The following PLOD2 variants were observed in gnomAD, a reference collection of about 807,000 sequenced individuals.
PLOD2 encodes procollagen-lysine,2-oxoglutarate 5-dioxygenase 2, also known as lysine hydroxylase 2.
PLOD2 carries 65 observed loss-of-function variants against 101.0 expected under a neutral mutation model. That is an observed-to-expected ratio of 0.64 (90% CI 0.53 to 0.79). PLOD2 has a LOEUF of 0.79. Among genes scored for constraint, PLOD2 ranks in the 30% least tolerant of loss-of-function variants. The probability of loss-of-function intolerance (pLI) is 0.00; values close to 1 mark genes in which losing one functional copy is unlikely to be tolerated. For missense variants in PLOD2, 909 were observed against 914.6 expected (o/e 0.99, Z 0.08); for synonymous variants, 314 against 302.9 (o/e 1.04, Z -0.38).
chr3:146,088,671 G>C lies in PLOD2; in HGVS notation c.920C>G (p.Pro307Arg). 1.2e-6 allele frequency: 2 copies of C among 1,607,192 alleles called. No homozygotes were observed. Among genetic ancestry groups the C allele is most frequent in the Non-Finnish European group, 1.7e-6 (2 of 1,174,234 alleles). ...NVSIGVFIEQ[P>R]TPFLPRFLDI... ...CAGAAACCGAGGTAGAAAAGGGGTTGGTTGCTCAATAAAAACACCTATTGA... is the reference window on the plus strand; with the variant it reads ...CAGAAACCGAGGTAGAAAAGGGGTTCGTTGCTCAATAAAAACACCTATTGA... The change falls in exon 9 of 20, where the codon CCA (proline) becomes CGA (arginine). Residue 307 changes from proline (P) to arginine (R), a missense_variant. By Grantham distance (103) the Pro-to-Arg change is moderately radical. Coordinates refer to ENST00000282903, the MANE Select transcript of PLOD2 (RefSeq NM_182943.3).
rs868276831 is a variant in PLOD2 at position 146,097,954 on chromosome 3, G to A, written c.777+4801C>T. Among the ~76,000 whole-genome samples the A allele has an allele frequency of 3.2e-4, 49 of 152,140 alleles. No individual in the cohort carries two copies. In the Middle Eastern group the frequency reaches 0.01, roughly 32 times the overall value. ...ATCCTCACCAAACTAACACAGAAAC[G>A]GGAAACAAACACTGCATGTTCTCAC... On this transcript the variant is annotated intron_variant, in intron 7 of 19. Coordinates refer to ENST00000282903, the MANE Select transcript of PLOD2 (RefSeq NM_182943.3).
At chr3:146,137,813 C>A (rs2031319745) in intron 1 of PLOD2, among the ~76,000 whole-genome samples, 1 of 151,964 alleles carries the variant, frequency 6.6e-6, no homozygotes, top group Admixed American at 6.6e-5. Context: ...AAAATACCAT[C>A]CTAGGTATGC....
chr3:146,088,423 T>C (rs532120762), intron 9 of PLOD2, among the ~76,000 whole-genome samples, 163 bp downstream of exon 9: 2 of 151,758 alleles, frequency 1.3e-5, no homozygotes, highest in African/African-American at 2.4e-5. Flanking sequence ...TGCTAGTCTC[T>C]AGAATCTAAA....
intron 8 of PLOD2, among the ~76,000 whole-genome samples, chr3:146,090,533 G>A (rs1474482553): frequency 2.0e-5 from 3 of 151,330 alleles, no homozygotes; most frequent in Admixed American, 6.6e-5. Flanking sequence ...CACTACTTTC[G>A]GCAAAAAAAG....
At chr3:146,078,158 T>C (rs1936410539) in intron 13 of PLOD2, among the ~76,000 whole-genome samples, 1 of 151,802 alleles carries the variant, frequency 6.6e-6, no homozygotes, top group Admixed American at 6.6e-5. Context: ...AACATAAGTC[T>C]AAGCTCATTC....
intron 1 of PLOD2, among the ~76,000 whole-genome samples, chr3:146,150,180 G>A (rs1013169167): frequency 4.6e-5 from 7 of 152,052 alleles, no homozygotes; most frequent in South Asian, 2.1e-4. Context: ...ACACATATAC[G>A]TATGCACATA....
intron 1 of PLOD2, among the ~76,000 whole-genome samples, chr3:146,141,336 G>A (rs763736115): frequency 2.4e-4 from 36 of 152,090 alleles, no homozygotes; most frequent in Non-Finnish European, 4.4e-4. Flanking sequence ...TTCCCCAGAC[G>A]CAGTTTACAA....
intron 1 of PLOD2, among the ~76,000 whole-genome samples, chr3:146,134,227 CAATA>C (rs1576620246): frequency 6.6e-6 from 1 of 152,048 alleles, no homozygotes; most frequent in African/African-American, 2.4e-5. Flanking sequence ...ATACAAAGTA[CAATA>C]AACAATATCC....
intron 1 of PLOD2, among the ~76,000 whole-genome samples, chr3:146,147,124 C>T (rs978682739): frequency 6.6e-6 from 1 of 152,124 alleles, no homozygotes; most frequent in Non-Finnish European, 1.5e-5. Flanking sequence ...CTGAGAATAA[C>T]ATACTAAATA....
At chr3:146,138,395 G>A (rs1217727721) in intron 1 of PLOD2, among the ~76,000 whole-genome samples, 9 of 151,870 alleles carry the variant, frequency 5.9e-5, no homozygotes, top group African/African-American at 1.7e-4. Flanking sequence ...GATAAAGAAC[G>A]AAGTGTCATA....
At chr3:146,072,467 CAT>C (rs770835410) in intron 17 of PLOD2, 92 bp downstream of exon 17, 2 of 819,978 alleles carry the variant, frequency 2.4e-6, no homozygotes, top group South Asian at 2.8e-5. Flanking sequence ...AACTCAGAGA[CAT>C]ATGAGAAAAA....
chr3:146,096,168 T>C (rs374748300), intron 7 of PLOD2, among the ~76,000 whole-genome samples: 2 of 147,150 alleles, frequency 1.4e-5, no homozygotes, highest in Non-Finnish European at 3.0e-5. Flanking sequence ...GGATTGCAGA[T>C]GGAGTCTCGT....
intron 1 of PLOD2, among the ~76,000 whole-genome samples, chr3:146,128,219 A>G (rs1408309314): frequency 6.6e-6 from 1 of 152,170 alleles, no homozygotes; most frequent in South Asian, 2.1e-4. Context: ...TGACTAAGGA[A>G]TGGTGCTTCA....
rs916641656 is a variant in PLOD2, at chr3:146,119,252, C to T, written c.338+1860G>A. ...ACCTTCATTCCTCCTTTGCCTTCTG[C>T]CATGATCCTAAGTTTCCTGAGGCCT... On this transcript the variant is annotated intron_variant, in intron 3 of 19. Coordinates refer to ENST00000282903, the MANE Select transcript of PLOD2 (RefSeq NM_182943.3). Among the ~76,000 whole-genome samples the T allele has an allele frequency of 3.3e-5, 5 of 152,186 alleles. No individual in the cohort carries two copies. In the East Asian group the frequency reaches 7.8e-4, roughly 24 times the overall value.
intron 7 of PLOD2, among the ~76,000 whole-genome samples, chr3:146,092,896 G>A (rs901291044): frequency 6.6e-6 from 1 of 151,938 alleles, no homozygotes; most frequent in African/African-American, 2.4e-5. Flanking sequence ...CATATTAATA[G>A]GCTTTTTAAA....
chr3:146,081,326 T>C (rs1446201243), intron 12 of PLOD2, among the ~76,000 whole-genome samples: 1 of 152,128 alleles, frequency 6.6e-6, no homozygotes, highest in African/African-American at 2.4e-5. Context: ...AATACTGGAA[T>C]GTTCTGGCTG....
intron 7 of PLOD2, 78 bp downstream of exon 7, chr3:146,102,671 TTAAAAA>T (rs983337346): frequency 3.2e-5 from 24 of 739,418 alleles, no homozygotes; most frequent in Non-Finnish European, 4.7e-5. Context: ...AAAGAAATTT[TTAAAAA>T]TAAAATAGAT....
At chr3:146,139,088 A>G (rs73148977) in intron 1 of PLOD2, among the ~76,000 whole-genome samples, 13,689 of 152,210 alleles carry the variant, frequency 0.09, 785 homozygotes, top group South Asian at 0.15. Flanking sequence ...TGTTCTGAAC[A>G]GTGTTCTAGG....
intron 11 of PLOD2, among the ~76,000 whole-genome samples, chr3:146,084,063 TTCAA>T (rs1364718249): frequency 6.6e-6 from 1 of 151,928 alleles, no homozygotes; most frequent in Non-Finnish European, 1.5e-5. Context: ...ACTATAGCAT[TTCAA>T]TCAAATTAAG....
Sources: allele counts gnomAD v4.1 joint callset (sites outside exome capture counted in the v4.1 genomes callset), GRCh38; gene constraint gnomAD v4.1.1; transcripts MANE v1.5; gene names NCBI Gene and HGNC (gene_info 2026-07-23, HGNC 2026-07-21).